PARVB: variants seen among roughly 807,000 people sequenced by gnomAD.
The protein encoded by PARVB is parvin beta, also known as beta-parvin.
In PARVB, 46 loss-of-function variants were observed where a neutral mutation model predicts 47.0. The observed-to-expected ratio is 0.98, with a 90% confidence interval of 0.77 to 1.25. The LOEUF (loss-of-function observed/expected upper bound fraction) is 1.25. Among genes scored for constraint, PARVB ranks in the 50% most tolerant of loss-of-function variants. The probability of loss-of-function intolerance (pLI) is 0.00; values close to 1 mark genes in which losing one functional copy is unlikely to be tolerated. For synonymous variants in PARVB, 196 were observed against 196.3 expected, an observed-to-expected ratio of 1.00 and a Z score of 0.01; for missense variants, 473 against 471.6, an observed-to-expected ratio of 1.00 and a Z score of -0.03.
intron 2 of PARVB, among the ~76,000 whole-genome samples, chr22:44,098,132 T>A (rs999565087): frequency 3.9e-5 from 6 of 151,916 alleles, no homozygotes; most frequent in South Asian, 2.1e-4. Flanking sequence ...AATGCTGAGA[T>A]TTTTAGTGTG....
intron 1 of PARVB, among the ~76,000 whole-genome samples, chr22:44,082,991 A>G (rs1465452981): frequency 2.0e-5 from 3 of 151,794 alleles, no homozygotes; most frequent in African/African-American, 4.8e-5. Flanking sequence ...CGGAATGCAC[A>G]CCCCAGGAGG....
intron 1 of PARVB, among the ~76,000 whole-genome samples, chr22:44,044,476 C>T (rs2051079231): frequency 6.6e-6 from 1 of 151,828 alleles, no homozygotes; most frequent in Non-Finnish European, 1.5e-5. Flanking sequence ...AGGCGTGAGC[C>T]ACCACGCCCG....
intron 2 of PARVB, among the ~76,000 whole-genome samples, chr22:44,018,858 C>A (rs761087432): frequency 5.9e-5 from 9 of 152,146 alleles, no homozygotes; most frequent in Non-Finnish European, 1.3e-4. Flanking sequence ...GCGCTGCCCC[C>A]ATCTTGGTCC....
chr22:44,032,045 A>C (rs1035094364), intron 1 of PARVB, among the ~76,000 whole-genome samples: 2 of 152,228 alleles, frequency 1.3e-5, no homozygotes, highest in Non-Finnish European at 2.9e-5. Context: ...AAAACAGATT[A>C]ATAAGCTTTG....
At chr22:44,092,682 G>A (rs1042486880) in intron 1 of PARVB, among the ~76,000 whole-genome samples, 1 of 152,176 alleles carries the variant, frequency 6.6e-6, no homozygotes, top group Non-Finnish European at 1.5e-5. Flanking sequence ...AAAGGCCCTG[G>A]CATTTTTACA....
At position 44,128,021 on chromosome 22, in the gene PARVB, G is replaced by A. The variant is rs150952199; in HGVS notation, c.377-3466G>A. ...GGCTAGTCTTGAACTGGGCTCAAAC[G>A]ATCCTCCCACCTTGGCCTCCCAAAG... is the stretch of plus-strand genomic sequence containing the variant. On this transcript the variant is annotated intron_variant, in intron 4 of 12. Transcript: ENST00000338758. Among the ~76,000 whole-genome samples the A allele has an allele frequency of 2.4e-3, 362 of 152,254 alleles. 7 individuals carry two copies. Among genetic ancestry groups the A allele is most frequent in the African/African-American group, 7.9e-3 (329 of 41,538 alleles).
chr22:44,053,083 C>CT (rs1192961779), intron 1 of PARVB, among the ~76,000 whole-genome samples: 1,491 of 137,572 alleles, frequency 0.011, 25 homozygotes, highest in African/African-American at 0.027. Flanking sequence ...TGTTACACAT[C>CT]TTTTTTTTTT....
In PARVB at chr22:44,068,965, A is replaced by G. The variant is rs945332962; in HGVS notation, c.113-24963A>G. On this transcript the variant is annotated intron_variant, in intron 1 of 12. Coordinates refer to ENST00000338758, the MANE Select transcript of PARVB (RefSeq NM_013327.5). This position sits in a 1 kb window ranked among gnomAD's most constrained non-coding sequence, Gnocchi z 4.1. ...GTGGTCAGCAAGGAGCTATCGCTGG[A>G]AACACCCCGGTCCTTCCACAGCCTG... is the stretch of plus-strand genomic sequence containing the variant. 1.4e-5 allele frequency: 9 copies of G among 622,522 alleles called. No individual in the cohort carries two copies. The highest frequency in any genetic ancestry group is 2.5e-5 in the Non-Finnish European group (9 of 357,628). The allele number at this position is 622,522 out of a possible 1,614,324, so 38.6% of individuals were successfully genotyped here.
intron 12 of PARVB, chr22:44,168,224 C>G: frequency 5.3e-6 from 1 of 188,564 alleles, no homozygotes; most frequent in Non-Finnish European, 1.1e-5. Flanking sequence ...TTCCAGGGCC[C>G]CAGAGGGAGC....
intron 11 of PARVB, among the ~76,000 whole-genome samples, chr22:44,160,249 A>G (rs915241030): frequency 6.6e-6 from 1 of 152,038 alleles, no homozygotes; most frequent in Non-Finnish European, 1.5e-5. Context: ...AGACGTGGAG[A>G]TCTTTCCTAG....
At chr22:44,084,766 A>G (rs2051986626) in intron 1 of PARVB, among the ~76,000 whole-genome samples, 2 of 152,144 alleles carry the variant, frequency 1.3e-5, no homozygotes, top group Non-Finnish European at 2.9e-5. Flanking sequence ...CTGCCGGGAG[A>G]GGCCCGAGAC....
intron 1 of PARVB, among the ~76,000 whole-genome samples, chr22:44,036,540 CAAAAAATTTTCCAATATGTTTATTGG>C (rs2050925819): frequency 6.6e-6 from 1 of 151,896 alleles, no homozygotes; most frequent in Non-Finnish European, 1.5e-5. Flanking sequence ...CACAAATCTC[CAAAAAATTTTCCAATATGTTTATTGG>C]AAAAAATCTG....
chr22:44,038,383 G>T (rs1314827613), intron 1 of PARVB, among the ~76,000 whole-genome samples: 2 of 152,178 alleles, frequency 1.3e-5, no homozygotes, highest in Admixed American at 6.5e-5. Context: ...CCTGGGGAAG[G>T]TACTTCCCCA....
intron 8 of PARVB, 66 bp from the exon 9 acceptor site, chr22:44,147,795 C>T: frequency 7.3e-7 from 1 of 1,377,858 alleles, no homozygotes; most frequent in Non-Finnish European, 1.0e-6. Context: ...TGGCAGGGCC[C>T]TGGATTAGGG....
intron 1 of PARVB, among the ~76,000 whole-genome samples, chr22:44,025,301 A>G (rs1048542489): frequency 1.3e-5 from 2 of 152,088 alleles, no homozygotes; most frequent in African/African-American, 4.8e-5. Flanking sequence ...TGGGCCTGAC[A>G]TATCCCCTGG....
At chr22:44,070,134 G>T (rs550710592) in intron 1 of PARVB, among the ~76,000 whole-genome samples, 1 of 152,170 alleles carries the variant, frequency 6.6e-6, no homozygotes, top group Non-Finnish European at 1.5e-5. Context: ...GCTCCTTAAC[G>T]TGCTTTGCTC....
At chr22:44,067,265 G>A (rs147616552) in intron 1 of PARVB, among the ~76,000 whole-genome samples, 1 of 152,300 alleles carries the variant, frequency 6.6e-6, no homozygotes, top group African/African-American at 2.4e-5. Flanking sequence ...TGAATGAAAT[G>A]TTAGTTAGTT....
chr22:44,025,260 C>A (rs1044406445), intron 1 of PARVB, among the ~76,000 whole-genome samples: 1 of 152,016 alleles, frequency 6.6e-6, no homozygotes, highest in Non-Finnish European at 1.5e-5. Flanking sequence ...CCTCCCATAG[C>A]GGGTATGCAG....
chr22:44,008,248 A>C (rs2146849566), intron 2 of PARVB, among the ~76,000 whole-genome samples: 1 of 152,146 alleles, frequency 6.6e-6, no homozygotes, highest in Non-Finnish European at 1.5e-5. Flanking sequence ...AGTAGCTGGG[A>C]TTACAGGCGC....
Sources: allele counts gnomAD v4.1 joint callset (sites outside exome capture counted in the v4.1 genomes callset), GRCh38; gene constraint gnomAD v4.1.1; non-coding constraint Gnocchi (gnomAD v3.1); transcripts MANE v1.5; gene names NCBI Gene and HGNC (gene_info 2026-07-23, HGNC 2026-07-21).